Variants in ESR2 observed in about 807,000 individuals in gnomAD.
The protein encoded by ESR2 is estrogen receptor beta.
ESR2 carries 36 observed loss-of-function variants against 49.6 expected under a neutral mutation model. The ratio of observed to expected loss-of-function variants is 0.73; its 90% CI spans 0.56 to 0.96. The LOEUF (loss-of-function observed/expected upper bound fraction) is 0.96. Ranked by LOEUF, ESR2 falls within the 40% of genes least tolerant of loss-of-function variation. The pLI is 0.00. For synonymous variants in ESR2, 320 were observed against 266.1 expected, an observed-to-expected ratio of 1.20 and a Z score of -1.97; for missense variants, 714 against 693.0, an observed-to-expected ratio of 1.03 and a Z score of -0.34.
intron 1 of ESR2, among the ~76,000 whole-genome samples, chr14:64,292,578 T>G (rs1379243896): frequency 6.6e-6 from 1 of 152,238 alleles, no homozygotes; most frequent in African/African-American, 2.4e-5. Flanking sequence ...TTTCTAGATG[T>G]ATTATCAAAA....
Position 64,260,599 on chromosome 14 carries a change from G to T in ESR2, c.802C>A (p.Leu268Ile). 6.2e-7 allele frequency: 1 copy of T among 1,610,622 alleles called. No homozygotes were observed. Among genetic ancestry groups the T allele is most frequent in the Non-Finnish European group, 8.5e-7 (1 of 1,178,108 alleles). ...LLLDALSPEQLVLTLLEAEPP... is the reference protein window; with the variant it reads ...LLLDALSPEQIVLTLLEAEPP... ...TCAGCCTCCAGGAGGGTGAGCACTA[G>T]CTGCTCGGGGCTCAGGGCGTCCAGC... Residue 268 changes from leucine (L) to isoleucine (I), a missense_variant, in exon 5 of 9, where the codon CTA becomes ATA. Transcript: ENST00000341099.
At chr14:64,331,433 T>G (rs2077456844) in intron 1 of ESR2, among the ~76,000 whole-genome samples, 1 of 152,140 alleles carries the variant, frequency 6.6e-6, no homozygotes, top group Admixed American at 6.6e-5. Context: ...TCAATAACTA[T>G]AGAACAAGCA....
At chr14:64,303,949 G>C (rs370521199) in intron 1 of ESR2, among the ~76,000 whole-genome samples, 15 of 152,292 alleles carry the variant, frequency 9.8e-5, no homozygotes, top group African/African-American at 3.6e-4. Flanking sequence ...GTTTATAAAG[G>C]CAAAAGAAAG....
At chr14:64,298,385 A>T (rs2076984793), upstream of ESR2, 1 of 152,164 alleles carries the variant, frequency 6.6e-6, no homozygotes, top group African/African-American at 2.4e-5. Flanking sequence ...ACCCAACTTT[A>T]CCTACCTACC....
intron 1 of ESR2, among the ~76,000 whole-genome samples, chr14:64,323,705 G>A (rs1160548941): frequency 6.6e-6 from 1 of 151,782 alleles, no homozygotes; most frequent in Non-Finnish European, 1.5e-5. Flanking sequence ...TTGTTTGTTT[G>A]TTTTGAGATG....
In ESR2 at chr14:64,229,685, C is replaced by T. The variant is rs2098725439; in HGVS notation, c.*3452G>A. On this transcript the variant is annotated 3_prime_UTR_variant, in exon 9 of 9. Coordinates refer to ENST00000341099, the MANE Select transcript of ESR2 (RefSeq NM_001437.3). ...GACTGCCTGTGTTCAGCTCAATCAC[C>T]TACTCCCCACGTGACCTTCAGCAAG... 1.3e-5 allele frequency among the ~76,000 whole-genome samples: 2 copies of T among 152,300 alleles called. No individual in the cohort carries two copies. The highest frequency in any genetic ancestry group is 4.1e-4 in the South Asian group (2 of 4,826).
intron 6 of ESR2, among the ~76,000 whole-genome samples, chr14:64,254,594 A>G (rs916710107): frequency 6.6e-6 from 1 of 151,664 alleles, no homozygotes; most frequent in South Asian, 2.1e-4. Context: ...TAAAAAAAAA[A>G]AAAAAATACA....
At chr14:64,334,651 T>G (rs548190036) in intron 1 of ESR2, among the ~76,000 whole-genome samples, 1 of 152,246 alleles carries the variant, frequency 6.6e-6, no homozygotes, top group South Asian at 2.1e-4. Context: ...GAAATTGTGG[T>G]CTTATTTTAT....
intron 2 of ESR2, 27 bp downstream of exon 2, chr14:64,282,597 A>C: frequency 1.9e-6 from 3 of 1,560,264 alleles, no homozygotes; most frequent in Non-Finnish European, 2.6e-6. Flanking sequence ...GCTAGCAACT[A>C]TAATTCAGAA....
chr14:64,263,303 A>C (rs61984409), intron 4 of ESR2, among the ~76,000 whole-genome samples: 51,457 of 152,040 alleles, frequency 0.34, 8,794 homozygotes, highest in Middle Eastern at 0.39. Context: ...ATTATTATAG[A>C]TAAGGAGACT....
At chr14:64,333,488 G>A (rs2077488280) in intron 1 of ESR2, among the ~76,000 whole-genome samples, 1 of 152,064 alleles carries the variant, frequency 6.6e-6, no homozygotes, top group African/African-American at 2.4e-5. Flanking sequence ...TTTCTTTTAT[G>A]ATGTATTAGT....
chr14:64,306,500 A>G (rs147238549), intron 1 of ESR2, among the ~76,000 whole-genome samples: 1 of 152,334 alleles, frequency 6.6e-6, no homozygotes, highest in East Asian at 1.9e-4. Flanking sequence ...TTTATTAGGA[A>G]CGGATGTTAG....
Position 64,253,886 on chromosome 14 carries a change from C to T in ESR2, c.1091+3340G>A, listed in dbSNP as rs150379884. Among the ~76,000 whole-genome samples the T allele has an allele frequency of 2.9e-3, 446 of 152,250 alleles. 2 individuals carry two copies. Among genetic ancestry groups the T allele is most frequent in the Middle Eastern group, 6.8e-3 (2 of 294 alleles). The stretch of plus-strand genomic sequence containing the variant: ...AAACTTCCTCTGACTAATAATTTAA[C>T]ATTAGTCAGTTGCCTGTTGATACTA... On this transcript the variant is annotated intron_variant, in intron 6 of 8. Coordinates refer to ENST00000341099, the MANE Select transcript of ESR2 (RefSeq NM_001437.3).
chr14:64,337,023 G>A (rs547357933), intron 1 of ESR2, among the ~76,000 whole-genome samples: 55 of 152,262 alleles, frequency 3.6e-4, no homozygotes, highest in African/African-American at 1.3e-3. Context: ...ACCAGAAGAT[G>A]AGCTGAGGGC....
At position 64,289,537 on chromosome 14, in the gene ESR2, G is replaced by GA. The variant is rs1027761264; in HGVS notation, c.-91+4495dup. Among the ~76,000 whole-genome samples, 700 of 137,746 alleles carry GA rather than the reference G, an allele frequency of 5.1e-3. 3 individuals carry two copies. The highest frequency in any genetic ancestry group is 0.014 in the Admixed American group (196 of 13,696). 90.4% of individuals were successfully genotyped at this position (137,746 alleles called of 152,430 possible). A position where few individuals can be genotyped will look rare whatever the true frequency, so the allele number is the denominator to read the frequency against. Reference sequence around the variant, plus strand: ...CAAAAAAAATAAAGAAAAAGAAAAAGAAAAAAAAAAAGAAAGCATTCTGTA... The same window carrying GA: ...CAAAAAAAATAAAGAAAAAGAAAAAGAAAAAAAAAAAAGAAAGCATTCTGTA... On this transcript the variant is annotated intron_variant, in intron 1 of 8. Coordinates refer to ENST00000341099, the MANE Select transcript of ESR2 (RefSeq NM_001437.3).
intron 1 of ESR2, among the ~76,000 whole-genome samples, chr14:64,331,215 T>A (rs1298211031): frequency 6.6e-6 from 1 of 152,234 alleles, no homozygotes; most frequent in Non-Finnish European, 1.5e-5. Flanking sequence ...ATTATCTAGC[T>A]ATGTTAATAT....
At chr14:64,297,237 G>C (rs959885126), upstream of ESR2, among the ~76,000 whole-genome samples, 3 of 152,208 alleles carry the variant, frequency 2.0e-5, no homozygotes, top group African/African-American at 7.2e-5. Flanking sequence ...ATTAAGTCAT[G>C]TTATATATGA....
intron 1 of ESR2, among the ~76,000 whole-genome samples, chr14:64,285,922 C>T (rs905345030): frequency 5.3e-5 from 8 of 151,686 alleles, no homozygotes; most frequent in African/African-American, 1.9e-4. Context: ...TCACCTTGCA[C>T]TGAAACTCAA....
intron 5 of ESR2, among the ~76,000 whole-genome samples, chr14:64,257,913 T>G (rs2076136309): frequency 6.6e-6 from 1 of 152,138 alleles, no homozygotes; most frequent in Admixed American, 6.5e-5. Context: ...GAAGCACTGT[T>G]TCTGGGTGAT....
Sources: gnomAD v4.1 joint callset for allele counts (sites outside exome capture counted in the v4.1 genomes callset) on GRCh38, gnomAD v4.1.1 for gene constraint, MANE v1.5 for transcripts, NCBI Gene and HGNC (gene_info 2026-07-23, HGNC 2026-07-21) for gene names.